Variants in EPSTI1 observed in about 807,000 individuals in gnomAD.
EPSTI1 encodes the protein epithelial-stromal interaction protein 1.
In EPSTI1, 66 loss-of-function variants were observed where a neutral mutation model predicts 49.9. The ratio of observed to expected loss-of-function variants is 1.32; its 90% CI spans 1.08 to 1.62. The LOEUF (loss-of-function observed/expected upper bound fraction) is 1.62, where lower values mean the gene tolerates loss of function less well. Among genes scored for constraint, EPSTI1 ranks in the 40% most tolerant of loss-of-function variants. EPSTI1 has a pLI of 0.00. For synonymous variants in EPSTI1, 137 were observed against 130.7 expected, an observed-to-expected ratio of 1.05 and a Z score of -0.33; for missense variants, 394 against 365.5, an observed-to-expected ratio of 1.08 and a Z score of -0.64.
chr13:42,913,079 T>C (rs1250469039), intron 8 of EPSTI1, among the ~76,000 whole-genome samples: 3 of 151,534 alleles, frequency 2.0e-5, no homozygotes, highest in Admixed American at 6.6e-5. Flanking sequence ...AAATTTCTTA[T>C]AGTACAGGAA....
intron 6 of EPSTI1, among the ~76,000 whole-genome samples, chr13:42,927,540 A>G (rs2038223227): frequency 6.6e-6 from 1 of 152,218 alleles, no homozygotes; most frequent in Non-Finnish European, 1.5e-5. Flanking sequence ...CATCAAAGGA[A>G]ACACAAAGTA....
chr13:42,941,046 T>G (rs9533311), intron 6 of EPSTI1, among the ~76,000 whole-genome samples: 9 of 151,924 alleles, frequency 5.9e-5, no homozygotes, highest in Admixed American at 5.9e-4. Flanking sequence ...ATATCTTCTA[T>G]CATAGATTTT....
At chr13:42,970,863 G>A (rs1450855921) in intron 1 of EPSTI1, among the ~76,000 whole-genome samples, 193 bp from the exon 2 acceptor site, 1 of 152,168 alleles carries the variant, frequency 6.6e-6, no homozygotes, top group Non-Finnish European at 1.5e-5. Flanking sequence ...GTAAAACAAA[G>A]GACATGGCCA....
intron 9 of EPSTI1, among the ~76,000 whole-genome samples, chr13:42,899,749 C>T (rs1000864755): frequency 5.3e-5 from 8 of 152,052 alleles, no homozygotes; most frequent in Non-Finnish European, 1.2e-4. Context: ...TAGCACTGTC[C>T]CAACAGTAAC....
intron 6 of EPSTI1, among the ~76,000 whole-genome samples, chr13:42,927,219 C>T (rs544467298): frequency 9.9e-5 from 15 of 152,282 alleles, no homozygotes; most frequent in African/African-American, 3.4e-4. Flanking sequence ...ACCACCACCC[C>T]AATTTCCCCT....
At chr13:42,928,723 T>C (rs1161389253) in intron 6 of EPSTI1, among the ~76,000 whole-genome samples, 2 of 152,250 alleles carry the variant, frequency 1.3e-5, no homozygotes, top group African/African-American at 4.8e-5. Flanking sequence ...TAAATGGTCA[T>C]GAAAATTTAC....
At chr13:42,982,906 A>G (rs1204172963) in intron 1 of EPSTI1, among the ~76,000 whole-genome samples, 1 of 152,190 alleles carries the variant, frequency 6.6e-6, no homozygotes, top group Non-Finnish European at 1.5e-5. Flanking sequence ...GACACAAAGA[A>G]TTTGAACAAA....
chr13:42,962,851 A>C (rs747047475), intron 5 of EPSTI1, among the ~76,000 whole-genome samples: 1 of 152,158 alleles, frequency 6.6e-6, no homozygotes, highest in Non-Finnish European at 1.5e-5. Context: ...CCCATGAAGA[A>C]ATTAGCTGTA....
intron 6 of EPSTI1, 94 bp downstream of exon 6, chr13:42,953,854 A>G (rs1344249403): frequency 1.1e-6 from 1 of 894,782 alleles, no homozygotes; most frequent in Non-Finnish European, 1.7e-6. Context: ...ATAATCCAAT[A>G]CCAGGTGTTT....
intron 3 of EPSTI1, among the ~76,000 whole-genome samples, chr13:42,968,336 G>A (rs2039673841): frequency 6.6e-6 from 1 of 151,914 alleles, no homozygotes; most frequent in Non-Finnish European, 1.5e-5. Context: ...GGGGGGGCAG[G>A]GTGTGGGGAG....
At chr13:42,919,303 G>A (rs1392479437) in intron 7 of EPSTI1, 1 of 1,613,446 alleles carries the variant, frequency 6.2e-7, no homozygotes. Flanking sequence ...TGCTTACCCA[G>A]CTGTGATCCC....
chr13:42,921,919 G>C (rs975235989), intron 7 of EPSTI1, among the ~76,000 whole-genome samples: 4 of 152,060 alleles, frequency 2.6e-5, no homozygotes, highest in African/African-American at 9.7e-5. Context: ...AAATTGTTTA[G>C]AAATTTGCGT....
At chr13:42,949,021 C>T (rs372246455) in intron 6 of EPSTI1, among the ~76,000 whole-genome samples, 50 of 152,286 alleles carry the variant, frequency 3.3e-4, no homozygotes, top group African/African-American at 1.2e-3. Flanking sequence ...TTAAAATAGA[C>T]GTCATAGACT....
intron 8 of EPSTI1, among the ~76,000 whole-genome samples, chr13:42,902,264 G>T (rs2037383200): frequency 6.6e-6 from 1 of 151,680 alleles, no homozygotes; most frequent in Non-Finnish European, 1.5e-5. Flanking sequence ...TGTGGTAGGA[G>T]AGGGATCTAG....
At chr13:42,971,659 T>C (rs2153433585) in intron 1 of EPSTI1, among the ~76,000 whole-genome samples, 1 of 152,344 alleles carries the variant, frequency 6.6e-6, no homozygotes, top group South Asian at 2.1e-4. Flanking sequence ...CTCTCTCTTC[T>C]ACCTGAATAC....
At chr13:42,943,912 G>A (rs1284304060) in intron 6 of EPSTI1, among the ~76,000 whole-genome samples, 3 of 152,044 alleles carry the variant, frequency 2.0e-5, no homozygotes, top group African/African-American at 7.3e-5. Context: ...ACAAACATAT[G>A]AAAAAAAGCT....
chr13:42,925,755 A>G (rs12868765), intron 7 of EPSTI1, among the ~76,000 whole-genome samples: 1 of 152,048 alleles, frequency 6.6e-6, no homozygotes, highest in Non-Finnish European at 1.5e-5. Context: ...ACCTGGAAAG[A>G]CTCATCACTT....
intron 7 of EPSTI1, among the ~76,000 whole-genome samples, chr13:42,919,122 G>A (rs1289347115): frequency 1.3e-5 from 2 of 152,094 alleles, no homozygotes; most frequent in Non-Finnish European, 2.9e-5. Flanking sequence ...CTTTAAACTT[G>A]TCATTTTGTT....
intron 3 of EPSTI1, among the ~76,000 whole-genome samples, chr13:42,965,150 T>A (rs1321464266): frequency 6.6e-6 from 1 of 152,194 alleles, no homozygotes; most frequent in East Asian, 1.9e-4. Context: ...TCTCTAATGT[T>A]ACAGCAACTT....
Sources: gnomAD v4.1 joint callset for allele counts (sites outside exome capture counted in the v4.1 genomes callset) on GRCh38, gnomAD v4.1.1 for gene constraint, MANE v1.5 for transcripts, NCBI Gene and HGNC (gene_info 2026-07-23, HGNC 2026-07-21) for gene names.